Variants in NEBL observed in about 807,000 individuals in gnomAD.
NEBL encodes the protein LIM and SH3 protein 2.
Under a neutral mutation model 140.2 loss-of-function variants are expected in NEBL, and 122 were observed. The ratio of observed to expected loss-of-function variants is 0.87; its 90% CI spans 0.75 to 1.01. The LOEUF is 1.01. NEBL is among the 50% of genes least tolerant of loss of function. NEBL has a pLI of 0.00. For synonymous variants in NEBL, 436 were observed against 398.9 expected, an observed-to-expected ratio of 1.09 and a Z score of -1.11; for missense variants, 1,365 against 1,231.3, an observed-to-expected ratio of 1.11 and a Z score of -1.62.
At chr10:21,031,327 A>C (rs1041760620) in intron 2 of NEBL, among the ~76,000 whole-genome samples, 1 of 152,218 alleles carries the variant, frequency 6.6e-6, no homozygotes, top group African/African-American at 2.4e-5. Context: ...CAGAAGCCCA[A>C]GGAATCCCAT....
intron 3 of NEBL, among the ~76,000 whole-genome samples, chr10:21,209,450 T>C (rs1841881281): frequency 6.6e-6 from 1 of 152,172 alleles, no homozygotes; most frequent in African/African-American, 2.4e-5. Context: ...TATTTTTTCA[T>C]GGATACATTG....
At chr10:20,861,937 T>C (rs570501574) in intron 7 of NEBL, among the ~76,000 whole-genome samples, 3 of 152,184 alleles carry the variant, frequency 2.0e-5, no homozygotes, top group Non-Finnish European at 4.4e-5. Flanking sequence ...ACATCACAGC[T>C]TCGCCTGGCC....
Position 21,026,864 on chromosome 10 carries a change from CT to C in NEBL, c.165-6664del, listed in dbSNP as rs549274035. On this transcript the variant is annotated intron_variant, in intron 2 of 6. Coordinates refer to the NEBL transcript ENST00000417816. ...CCAAGAGTGGTTCACTGTGCTGAAG[CT>C]GTTTGTACAAACAGCTAAACACCTG... 1.0e-3 allele frequency among the ~76,000 whole-genome samples: 152 copies of C among 152,224 alleles called. 2 individuals are homozygous for C. The highest frequency in any genetic ancestry group is 3.6e-3 in the African/African-American group (148 of 41,526).
chr10:20,814,172 T>C, intron 22 of NEBL, 129 bp from the exon 23 acceptor site: 1 of 711,978 alleles, frequency 1.4e-6, no homozygotes, highest in Admixed American at 2.1e-5. Flanking sequence ...TTTCAGTGAA[T>C]TAAATTTTGT....
rs111445936 is a variant in NEBL, at chr10:21,226,805, G to C, written n.348+21116C>G. Among the ~76,000 whole-genome samples the C allele has an allele frequency of 1.1e-3, 164 of 152,250 alleles. 2 individuals carry two copies. The highest frequency in any genetic ancestry group is 3.8e-3 in the African/African-American group (158 of 41,542). On this transcript the variant is annotated intron_variant and non_coding_transcript_variant, in intron 3 of 8. Coordinates refer to the NEBL transcript ENST00000675702. ...GTCTTTCCCACCCTCTTCAGTGCCT[G>C]TTTTGGTGATATGAAGGTAGACACA...
chr10:21,000,732 A>C, intron 3 of NEBL, among the ~76,000 whole-genome samples: 1 of 152,242 alleles, frequency 6.6e-6, no homozygotes, highest in East Asian at 1.9e-4. Flanking sequence ...CAAAGTGAGC[A>C]AAAGACTGCA....
chr10:21,278,981 G>C (rs1182139240), intron 1 of NEBL, among the ~76,000 whole-genome samples: 1 of 152,178 alleles, frequency 6.6e-6, no homozygotes, highest in Non-Finnish European at 1.5e-5. Flanking sequence ...CAATTAGATA[G>C]TTCATAGCCC....
intron 23 of NEBL, among the ~76,000 whole-genome samples, chr10:20,813,390 AC>A (rs138323633): frequency 0.053 from 8,075 of 152,084 alleles, 651 homozygotes; most frequent in African/African-American, 0.18. Flanking sequence ...AACAATATAT[AC>A]CACTTTTAAT....
intron 2 of NEBL, among the ~76,000 whole-genome samples, chr10:20,892,479 T>C (rs1480080601): frequency 6.6e-6 from 1 of 152,180 alleles, no homozygotes; most frequent in Non-Finnish European, 1.5e-5. Flanking sequence ...CTCCGGGCTT[T>C]ATATGTGGAG....
At chr10:21,012,977 C>A (rs1182604358) in intron 3 of NEBL, among the ~76,000 whole-genome samples, 1 of 152,056 alleles carries the variant, frequency 6.6e-6, no homozygotes, top group African/African-American at 2.4e-5. Flanking sequence ...ATTAAAGGGT[C>A]GAAAACCTAG....
At chr10:21,205,053 C>T (rs1232907819) in intron 3 of NEBL, among the ~76,000 whole-genome samples, 1 of 152,200 alleles carries the variant, frequency 6.6e-6, no homozygotes, top group African/African-American at 2.4e-5. Context: ...CTGTTGTTTG[C>T]AACTAAGAAT....
intron 2 of NEBL, among the ~76,000 whole-genome samples, chr10:21,111,212 C>T (rs567417377): frequency 2.6e-5 from 4 of 152,274 alleles, no homozygotes; most frequent in African/African-American, 9.6e-5. Flanking sequence ...CAAGCTATCA[C>T]TGACTTTCTT....
upstream of NEBL, among the ~76,000 whole-genome samples, chr10:20,901,726 A>G (rs1847879477): frequency 6.6e-6 from 1 of 152,156 alleles, no homozygotes; most frequent in Non-Finnish European, 1.5e-5. Flanking sequence ...TGGTTTTTTC[A>G]CACTCATTTT....
At chr10:21,055,002 T>C (rs2131861923) in intron 2 of NEBL, among the ~76,000 whole-genome samples, 1 of 152,338 alleles carries the variant, frequency 6.6e-6, no homozygotes, top group South Asian at 2.1e-4. Flanking sequence ...ATGAAAGTTC[T>C]GTTTCTGTTA....
At chr10:20,997,498 A>C (rs1269076674) in intron 3 of NEBL, among the ~76,000 whole-genome samples, 7 of 140,740 alleles carry the variant, frequency 5.0e-5, no homozygotes, top group Non-Finnish European at 9.0e-5. Flanking sequence ...AAAAAAAAAA[A>C]AAAAAAAAAA....
chr10:20,828,530 C>T lies in NEBL; in HGVS notation c.1776G>A (p.Ala592=), dbSNP rs113406843. The change falls in exon 17 of 28, where the codon GCG becomes GCA. Residue 592 remains alanine (A), a splice_region_variant and synonymous_variant. Coordinates refer to ENST00000377122, the MANE Select transcript of NEBL (RefSeq NM_006393.3). Reference sequence around the variant, plus strand: ...CTTAAAAGAAGTAATGGCTACTCACCGCACTAATGTTTTGTTGAGTTGTCT... The same window carrying T: ...CTTAAAAGAAGTAATGGCTACTCACTGCACTAATGTTTTGTTGAGTTGTCT... ...RIKTTQQNIS[A]VFYKKEVGAG... 25 of 1,564,008 alleles carry T rather than the reference C, an allele frequency of 1.6e-5. No homozygotes were observed. Among genetic ancestry groups the T allele is most frequent in the Middle Eastern group, 1.7e-4 (1 of 5,978 alleles).
At chr10:21,172,560 G>T in intron 1 of NEBL, 1 of 927,374 alleles carries the variant, frequency 1.1e-6, no homozygotes, top group Non-Finnish European at 1.7e-6. Flanking sequence ...GCTTTTTAGT[G>T]CATCACAGTC....
At chr10:20,916,192 A>G (rs1848549117) in intron 4 of NEBL, among the ~76,000 whole-genome samples, 2 of 152,216 alleles carry the variant, frequency 1.3e-5, no homozygotes, top group South Asian at 4.1e-4. Flanking sequence ...AACTACAGGC[A>G]AGAACCATGG....
chr10:21,282,807 C>T (rs1304526304), intron 1 of NEBL, among the ~76,000 whole-genome samples: 1 of 151,938 alleles, frequency 6.6e-6, no homozygotes, highest in African/African-American at 2.4e-5. Context: ...AGATACAGGT[C>T]ATAAAGATAT....
Sources: gnomAD v4.1 joint callset for allele counts (sites outside exome capture counted in the v4.1 genomes callset) on GRCh38, gnomAD v4.1.1 for gene constraint, MANE v1.5 for transcripts, NCBI Gene and HGNC (gene_info 2026-07-23, HGNC 2026-07-21) for gene names.